The following SLC9A4 variants were observed in gnomAD, a reference collection of about 807,000 sequenced individuals.
SLC9A4 encodes the protein sodium/hydrogen exchanger 4.
A neutral mutation model predicts 67.4 loss-of-function variants in SLC9A4; 63 were observed. The observed-to-expected ratio is 0.93, with a 90% CI of 0.76 to 1.15. The LOEUF is 1.15. Ranked by LOEUF, SLC9A4 falls within the 50% of genes most tolerant of loss-of-function variation. The pLI is 0.00. For synonymous variants in SLC9A4, 393 were observed against 367.2 expected, an observed-to-expected ratio of 1.07 and a Z score of -0.80; for missense variants, 1,089 against 987.7, an observed-to-expected ratio of 1.10 and a Z score of -1.38.
intron 8 of SLC9A4, among the ~76,000 whole-genome samples, chr2:102,515,923 A>G (rs1332246460): frequency 6.6e-6 from 1 of 152,158 alleles, no homozygotes; most frequent in Non-Finnish European, 1.5e-5. Context: ...GAGCTACGCA[A>G]GTCTATGAGA....
intron 2 of SLC9A4, among the ~76,000 whole-genome samples, chr2:102,485,793 G>A (rs543555108): frequency 9.8e-5 from 15 of 152,312 alleles, no homozygotes; most frequent in African/African-American, 3.6e-4. Flanking sequence ...CTTTCCTCAA[G>A]CCCCCAAGAG....
rs959450158 is a variant in SLC9A4, at chr2:102,482,670, C to T, written c.720+3368C>T. Among the ~76,000 whole-genome samples the T allele has an allele frequency of 5.3e-5, 8 of 152,282 alleles. No homozygotes were observed. The South Asian group carries it at 1.0e-3, about 20-fold the overall frequency. Reference sequence around the variant, plus strand: ...GTTTTTTGGAGGTTATTTGGTTACTCTCACCCGCACTACTGACAATGTCCT... The same window carrying T: ...GTTTTTTGGAGGTTATTTGGTTACTTTCACCCGCACTACTGACAATGTCCT... On this transcript the variant is annotated intron_variant, in intron 2 of 11. Coordinates refer to ENST00000295269, the MANE Select transcript of SLC9A4 (RefSeq NM_001011552.4).
chr2:102,529,455 C>T (rs1475079925), intron 11 of SLC9A4, among the ~76,000 whole-genome samples: 1 of 152,160 alleles, frequency 6.6e-6, no homozygotes, highest in Non-Finnish European at 1.5e-5. Context: ...AAACTTATGC[C>T]TATTTATGCA....
rs1041287513 is a variant in SLC9A4 at position 102,512,108 on chromosome 2, A to C, written c.1489-95A>C. The C allele has an allele frequency of 2.3e-6, 3 of 1,318,938 alleles. No homozygotes were observed. In the African/African-American group the frequency reaches 4.4e-5, roughly 19 times the overall value. The allele number at this position is 1,318,938 out of a possible 1,614,324, so 81.7% of individuals were successfully genotyped here. A position where few individuals can be genotyped will look rare whatever the true frequency, so the allele number is the denominator to read the frequency against. ...AAGTCAGATAGGCTCCAGAAAATTA[A>C]AGGCTCCTTTGTTTTTTAAAGTGTC... On this transcript the variant is annotated intron_variant, in intron 6 of 11. Coordinates refer to ENST00000295269, the MANE Select transcript of SLC9A4 (RefSeq NM_001011552.4).
At chr2:102,486,871 C>T (rs986493790) in intron 2 of SLC9A4, among the ~76,000 whole-genome samples, 11 of 152,158 alleles carry the variant, frequency 7.2e-5, no homozygotes, top group Admixed American at 1.3e-4. Context: ...TGCCATCTGC[C>T]GGGTGTCTGT....
intron 2 of SLC9A4, among the ~76,000 whole-genome samples, chr2:102,501,280 G>A (rs1331367978): frequency 1.3e-5 from 1 of 78,294 alleles, no homozygotes; most frequent in Non-Finnish European, 2.8e-5. Context: ...TGCCACCATG[G>A]CTGGCTAAAT....
At position 102,526,277 on chromosome 2, in the gene SLC9A4, C is replaced by T. The variant is rs147902477; in HGVS notation, c.1969C>T (p.Arg657Cys). ...CCCACAGGCTGGCACCAAGAATATC[C>T]GCTACCTCTCCTACCCCTACGGGAA... is the stretch of plus-strand genomic sequence containing the variant. ...WGKPAGTKNI[R>C]YLSYPYGNPQ... Residue 657 changes from arginine to cysteine, a missense_variant, in exon 11 of 12, where the codon CGC becomes TGC. By Grantham distance (180) the Arg-to-Cys change is radical. Transcript: ENST00000295269. 30 of 1,613,598 alleles carry T rather than the reference C, an allele frequency of 1.9e-5. 1 individual carries two copies. Among genetic ancestry groups the T allele is most frequent in the Middle Eastern group, 1.6e-4 (1 of 6,082 alleles).
chr2:102,494,279 G>T (rs1282389360), intron 2 of SLC9A4, among the ~76,000 whole-genome samples: 4 of 151,798 alleles, frequency 2.6e-5, no homozygotes, highest in Non-Finnish European at 5.9e-5. Context: ...TATAATGTTA[G>T]CCAAAAGTAT....
At chr2:102,476,784 T>C (rs10469840) in intron 1 of SLC9A4, among the ~76,000 whole-genome samples, 118,010 of 151,554 alleles carry the variant, frequency 0.78, 46,892 homozygotes, top group African/African-American at 0.9. Context: ...GCAGCAGGAG[T>C]TGGACAAAGA....
intron 1 of SLC9A4, among the ~76,000 whole-genome samples, chr2:102,477,626 T>C (rs568016993): frequency 6.6e-6 from 1 of 152,256 alleles, no homozygotes; most frequent in South Asian, 2.1e-4. Context: ...TTATTAGTAA[T>C]TCAGAGGAAG....
chr2:102,497,324 C>T (rs1016101243), intron 2 of SLC9A4, among the ~76,000 whole-genome samples: 18 of 143,578 alleles, frequency 1.3e-4, no homozygotes, highest in Non-Finnish European at 1.8e-4. Context: ...TAGGTATATA[C>T]GCAAGAGAAA....
chr2:102,532,624 C>A lies in SLC9A4; in HGVS notation c.2333C>A (p.Thr778Lys). 6.2e-7 allele frequency: 1 copy of A among 1,613,992 alleles called. No individual in the cohort carries two copies. The highest frequency in any genetic ancestry group is 1.1e-5 in the South Asian group (1 of 91,064). Residue 778 changes from threonine to lysine, a missense_variant, in exon 12 of 12, where the codon ACA becomes AAA. By Grantham distance (78) the Thr-to-Lys change is moderately conservative (BLOSUM62 -1). Coordinates refer to ENST00000295269, the MANE Select transcript of SLC9A4 (RefSeq NM_001011552.4). ...ASLVEVRSRW[T>K]ADHGHGRDHH... ...TTGGTTGAGGTTCGGTCGAGGTGGA[C>A]AGCTGACCATGGACACGGCAGGGAC...
chr2:102,513,341 G>C (rs1327082478), intron 7 of SLC9A4, among the ~76,000 whole-genome samples: 1 of 152,164 alleles, frequency 6.6e-6, no homozygotes, highest in Non-Finnish European at 1.5e-5. Flanking sequence ...AAAGCTATGT[G>C]CCCCTCTGGA....
chr2:102,501,510 G>A (rs1416266822), intron 2 of SLC9A4, among the ~76,000 whole-genome samples: 1 of 152,080 alleles, frequency 6.6e-6, no homozygotes, highest in South Asian at 2.1e-4. Context: ...CTCCCAAAGT[G>A]CTGGGATTAC....
chr2:102,529,642 T>C (rs116055908), intron 11 of SLC9A4, among the ~76,000 whole-genome samples: 2,484 of 152,334 alleles, frequency 0.016, 86 homozygotes, highest in African/African-American at 0.057. Context: ...ATTGGAATCC[T>C]TCTCTCCAAA....
At chr2:102,505,210 G>A (rs775655539) in intron 3 of SLC9A4, 44 bp from the exon 4 acceptor site, 69 of 1,582,618 alleles carry the variant, frequency 4.4e-5, no homozygotes, top group Non-Finnish European at 5.8e-5. Context: ...TTGTGGAGGG[G>A]GAAAACCTCA....
intron 8 of SLC9A4, among the ~76,000 whole-genome samples, chr2:102,517,244 A>G (rs1347840416): frequency 6.6e-6 from 1 of 152,160 alleles, no homozygotes; most frequent in Non-Finnish European, 1.5e-5. Context: ...CACTGTGTGC[A>G]CCGCAGGCAA....
intron 2 of SLC9A4, among the ~76,000 whole-genome samples, chr2:102,500,657 C>G (rs1006941815): frequency 3.9e-5 from 6 of 152,170 alleles, no homozygotes; most frequent in African/African-American, 1.4e-4. Context: ...CAGGGCCACT[C>G]TGTATGATGT....
chr2:102,503,401 T>G, intron 2 of SLC9A4, 47 bp from the exon 3 acceptor site: 1 of 1,479,140 alleles, frequency 6.8e-7, no homozygotes. Flanking sequence ...AAAGTGTTCC[T>G]AGTTTCTATT....
Sources: gnomAD v4.1 joint callset for allele counts (sites outside exome capture counted in the v4.1 genomes callset) on GRCh38, gnomAD v4.1.1 for gene constraint, MANE v1.5 for transcripts, NCBI Gene and HGNC (gene_info 2026-07-23, HGNC 2026-07-21) for gene names.